Variants in KIAA0319L observed in about 807,000 individuals in gnomAD.
KIAA0319L encodes dyslexia-associated protein KIAA0319-like protein.
Under a neutral mutation model 120.1 loss-of-function variants are expected in KIAA0319L, and 55 were observed. The ratio of observed to expected loss-of-function variants is 0.46; its 90% CI spans 0.37 to 0.57. The LOEUF is 0.57. KIAA0319L is among the 20% of genes least tolerant of loss of function. KIAA0319L has a pLI of 0.00. For synonymous variants in KIAA0319L, 398 were observed against 471.9 expected (o/e 0.84, Z 2.03); for missense variants, 1,049 against 1,255.3 (o/e 0.84, Z 2.48).
intron 2 of KIAA0319L, among the ~76,000 whole-genome samples, chr1:35,513,289 T>TATATATATA (rs1491413167): frequency 2.4e-4 from 17 of 70,596 alleles, no homozygotes; most frequent in East Asian, 1.5e-3. Flanking sequence ...TATATATATA[T>TATATATATA]TTTTTTTTTT....
Position 35,450,358 on chromosome 1 carries a change from C to T in KIAA0319L, c.2214G>A (p.Gly738=). 6.2e-7 allele frequency: 1 copy of T among 1,612,664 alleles called. No homozygotes were observed. Among genetic ancestry groups the T allele is most frequent in the Non-Finnish European group, 8.5e-7 (1 of 1,179,308 alleles). The part of the protein sequence containing the change: ...WTRDEGSPAA[G]EVLNHSDHHP... The stretch of plus-strand genomic sequence containing the variant: ...GCTCTCCAGCTCCTAGCACACTTAC[C>T]CCTGCTGCTGGGCTCCCCTCATCTC... The change falls in exon 14 of 21, where the codon GGG becomes GGA. Residue 738 remains glycine, a splice_region_variant and synonymous_variant. Coordinates refer to ENST00000325722, the MANE Select transcript of KIAA0319L (RefSeq NM_024874.5).
At chr1:35,438,261 A>T (rs1640940628) in intron 20 of KIAA0319L, among the ~76,000 whole-genome samples, 1 of 151,744 alleles carries the variant, frequency 6.6e-6, no homozygotes. Flanking sequence ...GATCTCCACC[A>T]TTTCTTCTCC....
rs1347593128 is a variant in KIAA0319L, at chr1:35,494,659, C to A, written c.666+11953G>T. 3.1e-4 allele frequency among the ~76,000 whole-genome samples: 46 copies of A among 148,242 alleles called. 1 individual carries two copies. Among genetic ancestry groups the A allele is most frequent in the South Asian group, 1.9e-3 (9 of 4,696 alleles). On this transcript the variant is annotated intron_variant, in intron 3 of 20. Coordinates refer to ENST00000325722, the MANE Select transcript of KIAA0319L (RefSeq NM_024874.5). ...AAATAACAAAGGGAAAAAAAAAAAA[C>A]AAACTAGCAGGCATGGTGGTGCATG...
rs550197096 is a variant in KIAA0319L, at chr1:35,464,964, G to GA, written c.1201+1643dup. On this transcript the variant is annotated intron_variant, in intron 7 of 20. Transcript: ENST00000325722. ...ACAGAAGTCAAAAATTGAGGTTTGG[G>GA]AACTTCCGCCTAGATTTCAGAGTAT... 3.4e-3 allele frequency among the ~76,000 whole-genome samples: 524 copies of GA among 152,342 alleles called. 2 individuals are homozygous for GA. Among genetic ancestry groups the GA allele is most frequent in the Non-Finnish European group, 4.8e-3 (326 of 68,036 alleles).
At chr1:35,538,848 T>G (rs1459565888) in intron 2 of KIAA0319L, among the ~76,000 whole-genome samples, 1 of 152,062 alleles carries the variant, frequency 6.6e-6, no homozygotes, top group Non-Finnish European at 1.5e-5. Flanking sequence ...ATTTTCAAGT[T>G]AATTGTAAGT....
At chr1:35,446,156 C>T (rs1484950853) in intron 16 of KIAA0319L, among the ~76,000 whole-genome samples, 1 of 152,152 alleles carries the variant, frequency 6.6e-6, no homozygotes, top group Non-Finnish European at 1.5e-5. Context: ...GGGGCTAAGG[C>T]TTGGGCAGTG....
chr1:35,435,899 C>T lies in KIAA0319L; in HGVS notation c.2963-818G>A, dbSNP rs578062030. 1.7e-4 allele frequency among the ~76,000 whole-genome samples: 26 copies of T among 152,310 alleles called. No individual in the cohort carries two copies. In the South Asian group the frequency reaches 1.9e-3, roughly 11 times the overall value. On this transcript the variant is annotated intron_variant, in intron 20 of 20. Transcript: ENST00000325722. ...GTGCAAAAACTCCAGAGAAAACAAA[C>T]AGCAGGCTGAGATAGCAGGACTAGA...
At chr1:35,473,409 T>C (rs1643761828) in intron 5 of KIAA0319L, among the ~76,000 whole-genome samples, 1 of 152,154 alleles carries the variant, frequency 6.6e-6, no homozygotes, top group Admixed American at 6.5e-5. Flanking sequence ...AAGAATCTAT[T>C]TCTAAACTAA....
At chr1:35,458,086 C>A (rs1233189630) in intron 9 of KIAA0319L, among the ~76,000 whole-genome samples, 1 of 152,166 alleles carries the variant, frequency 6.6e-6, no homozygotes, top group South Asian at 2.1e-4. Flanking sequence ...CAGCTACCTG[C>A]CACCATGCTC....
At chr1:35,470,035 A>T (rs910380634) in intron 6 of KIAA0319L, among the ~76,000 whole-genome samples, 2 of 151,912 alleles carry the variant, frequency 1.3e-5, no homozygotes, top group African/African-American at 4.8e-5. Flanking sequence ...CACCCAGCTA[A>T]TTTTTAATTT....
At chr1:35,480,993 T>G (rs1201374764) in intron 3 of KIAA0319L, among the ~76,000 whole-genome samples, 2 of 152,208 alleles carry the variant, frequency 1.3e-5, no homozygotes, top group African/African-American at 4.8e-5. Flanking sequence ...CTGATTTGTT[T>G]GCTATCAAAG....
At chr1:35,494,692 T>C (rs1027987384) in intron 3 of KIAA0319L, among the ~76,000 whole-genome samples, 7 of 149,814 alleles carry the variant, frequency 4.7e-5, no homozygotes, top group Non-Finnish European at 8.9e-5. Flanking sequence ...ATGCCTATAG[T>C]CCTAGCTACT....
intron 3 of KIAA0319L, among the ~76,000 whole-genome samples, chr1:35,498,918 G>A (rs1384842184): frequency 6.6e-6 from 1 of 152,234 alleles, no homozygotes; most frequent in African/African-American, 2.4e-5. Context: ...GGAAAGGAAT[G>A]TCTTCCTGCA....
At chr1:35,447,237 T>TAAA (rs34645390) in intron 16 of KIAA0319L, among the ~76,000 whole-genome samples, 139 of 138,080 alleles carry the variant, frequency 1.0e-3, no homozygotes, top group Non-Finnish European at 1.7e-3. Flanking sequence ...GATCTTTCTT[T>TAAA]AAAAAAAAAA....
At chr1:35,501,698 G>A (rs147779535) in intron 3 of KIAA0319L, among the ~76,000 whole-genome samples, 1,650 of 152,058 alleles carry the variant, frequency 0.011, 37 homozygotes, top group African/African-American at 0.038. Context: ...CCAACATGGA[G>A]AAACCCTGTC....
intron 7 of KIAA0319L, 76 bp downstream of exon 7, chr1:35,466,532 C>G: frequency 1.0e-6 from 1 of 979,364 alleles, no homozygotes; most frequent in Non-Finnish European, 1.6e-6. Context: ...GAATCAAAAA[C>G]CCCAAATCAA....
At chr1:35,540,804 C>A (rs1646756757) in intron 2 of KIAA0319L, among the ~76,000 whole-genome samples, 1 of 152,188 alleles carries the variant, frequency 6.6e-6, no homozygotes, top group South Asian at 2.1e-4. Context: ...GCCTCAAACT[C>A]CTTGAAGGGA....
rs138906701 is a variant in KIAA0319L at position 35,554,814 on chromosome 1, C to T, written c.-28-295G>A. ...CTATGTGGTAGAATGGAAAGAGTACCAGCCCGCAGACAAGAAGATCTCTGA... is the reference window on the plus strand; with the variant it reads ...CTATGTGGTAGAATGGAAAGAGTACTAGCCCGCAGACAAGAAGATCTCTGA... On this transcript the variant is annotated intron_variant, in intron 1 of 20. Coordinates refer to ENST00000325722, the MANE Select transcript of KIAA0319L (RefSeq NM_024874.5). 272 of 180,832 alleles carry T rather than the reference C, an allele frequency of 1.5e-3. 4 individuals are homozygous for T. In the South Asian group the frequency reaches 0.017, roughly 11 times the overall value. The allele number at this position is 180,832 out of a possible 1,614,324, so 11.2% of individuals were successfully genotyped here.
chr1:35,529,550 T>G (rs1646282188), intron 2 of KIAA0319L, among the ~76,000 whole-genome samples: 1 of 152,240 alleles, frequency 6.6e-6, no homozygotes, highest in Admixed American at 6.5e-5. Flanking sequence ...ATTTCTCCTT[T>G]ATTTATGAAA....
Sources: gnomAD v4.1 joint callset for allele counts (sites outside exome capture counted in the v4.1 genomes callset) on GRCh38, gnomAD v4.1.1 for gene constraint, MANE v1.5 for transcripts, NCBI Gene and HGNC (gene_info 2026-07-23, HGNC 2026-07-21) for gene names.